The following SPIDR variants were observed in gnomAD, a reference collection of about 807,000 sequenced individuals.
The protein encoded by SPIDR is scaffold protein involved in DNA repair.
In SPIDR, 93 loss-of-function variants were observed where a neutral mutation model predicts 104.6. The ratio of observed to expected loss-of-function variants is 0.89; its 90% CI spans 0.75 to 1.06. The LOEUF is 1.06. SPIDR is among the 50% of genes least tolerant of loss of function. The pLI, the probability that SPIDR is intolerant of heterozygous loss-of-function variation, is 0.00. For missense variants in SPIDR, 1,154 were observed against 1,111.2 expected (o/e 1.04, Z -0.55); for synonymous variants, 431 against 416.9 (o/e 1.03, Z -0.41).
At chr8:47,422,743 C>T (rs10111833) in intron 7 of SPIDR, among the ~76,000 whole-genome samples, 4,335 of 152,216 alleles carry the variant, frequency 0.028, 213 homozygotes, top group African/African-American at 0.097. Context: ...GTTGGGCCAT[C>T]TTGGCTCCAC....
chr8:47,340,454 A>G (rs1008768060), intron 5 of SPIDR, among the ~76,000 whole-genome samples: 4 of 152,028 alleles, frequency 2.6e-5, no homozygotes, highest in African/African-American at 9.7e-5. Context: ...AAAATACAAA[A>G]ACTGTCTGGA....
At chr8:47,708,300 A>AAAAC (rs927333134) in intron 14 of SPIDR, among the ~76,000 whole-genome samples, 14 of 152,256 alleles carry the variant, frequency 9.2e-5, no homozygotes, top group African/African-American at 3.1e-4. Context: ...CTCCGTCTCA[A>AAAAC]AAACAAACAA....
At chr8:47,549,213 A>G (rs558153099) in intron 8 of SPIDR, among the ~76,000 whole-genome samples, 1 of 152,318 alleles carries the variant, frequency 6.6e-6, no homozygotes, top group African/African-American at 2.4e-5. Context: ...TATTGTGAAT[A>G]TTGCTGCAAT....
chr8:47,692,990 A>C (rs1471384609), intron 11 of SPIDR, among the ~76,000 whole-genome samples: 2 of 152,178 alleles, frequency 1.3e-5, no homozygotes, highest in South Asian at 2.1e-4. Context: ...CGATGGCCTC[A>C]TTTTACCATC....
chr8:47,470,252 C>T (rs797029852), intron 8 of SPIDR, among the ~76,000 whole-genome samples: 2 of 152,064 alleles, frequency 1.3e-5, no homozygotes, highest in South Asian at 2.1e-4. Context: ...AGAACTCTTA[C>T]ATATATGGTG....
intron 3 of SPIDR, among the ~76,000 whole-genome samples, chr8:47,288,604 T>C (rs1475601366): frequency 6.6e-6 from 1 of 152,224 alleles, no homozygotes; most frequent in Non-Finnish European, 1.5e-5. Flanking sequence ...TCTTGACTTA[T>C]TTTTCAGATG....
chr8:47,504,781 T>C (rs1368692768), intron 8 of SPIDR, among the ~76,000 whole-genome samples: 1 of 152,204 alleles, frequency 6.6e-6, no homozygotes, highest in Non-Finnish European at 1.5e-5. Context: ...TACCTTTGTG[T>C]CTTTGATGAT....
intron 1 of SPIDR, among the ~76,000 whole-genome samples, chr8:47,277,993 T>C (rs1434149150): frequency 6.6e-6 from 1 of 152,096 alleles, no homozygotes; most frequent in Non-Finnish European, 1.5e-5. Flanking sequence ...TTTGAGGCTC[T>C]ACCAAATAAT....
chr8:47,682,062 T>C (rs2077158155), intron 11 of SPIDR, among the ~76,000 whole-genome samples: 1 of 151,780 alleles, frequency 6.6e-6, no homozygotes, highest in Non-Finnish European at 1.5e-5. Flanking sequence ...AGTGATACAA[T>C]TAAACCAAGG....
intron 5 of SPIDR, among the ~76,000 whole-genome samples, chr8:47,391,681 T>A (rs1196831944): frequency 6.6e-6 from 1 of 152,090 alleles, no homozygotes; most frequent in African/African-American, 2.4e-5. Flanking sequence ...TCATTGTCTT[T>A]TGTATAGAAA....
chr8:47,359,457 TG>T (rs2055284503), intron 5 of SPIDR, among the ~76,000 whole-genome samples: 1 of 152,108 alleles, frequency 6.6e-6, no homozygotes, highest in African/African-American at 2.4e-5. Flanking sequence ...GCCTTTCTTC[TG>T]GGCTGTCCTC....
chr8:47,649,310 T>G (rs182723565), intron 10 of SPIDR, among the ~76,000 whole-genome samples: 8 of 151,972 alleles, frequency 5.3e-5, no homozygotes, highest in Admixed American at 2.0e-4. Flanking sequence ...TCTGTGTTAT[T>G]TTTACCAATG....
intron 8 of SPIDR, among the ~76,000 whole-genome samples, chr8:47,502,558 A>T (rs183474106): frequency 6.6e-6 from 1 of 151,978 alleles, no homozygotes; most frequent in Non-Finnish European, 1.5e-5. Flanking sequence ...CTAGCAGTCT[A>T]TGAATTTTGT....
chr8:47,290,659 T>C (rs909649627), intron 3 of SPIDR, among the ~76,000 whole-genome samples: 6 of 152,262 alleles, frequency 3.9e-5, no homozygotes, highest in African/African-American at 1.4e-4. Flanking sequence ...CTGTTACTCA[T>C]AAGTTTTGAC....
intron 5 of SPIDR, among the ~76,000 whole-genome samples, chr8:47,356,000 C>G (rs2054467729): frequency 6.6e-6 from 1 of 152,154 alleles, no homozygotes; most frequent in South Asian, 2.1e-4. Context: ...ATTTACCTCT[C>G]TCCCCAAATA....
chr8:47,720,006 G>A (rs1291805581), intron 16 of SPIDR, among the ~76,000 whole-genome samples: 1 of 152,152 alleles, frequency 6.6e-6, no homozygotes, highest in Non-Finnish European at 1.5e-5. Flanking sequence ...CCTGTGCTCT[G>A]GCTCTTCATC....
chr8:47,624,663 T>TA (rs2065741044), intron 10 of SPIDR, among the ~76,000 whole-genome samples: 2 of 152,116 alleles, frequency 1.3e-5, no homozygotes, highest in African/African-American at 4.8e-5. Flanking sequence ...CCTCGACACA[T>TA]ACATCCTCCC....
At position 47,673,918 on chromosome 8, in the gene SPIDR, T is replaced by C; in HGVS notation, c.1662T>C (p.Val554=). Reference sequence around the variant, plus strand: ...CTTGCAGCCTGGTGGGAATGAAGGTTCTACAGAAAGTCACCAGAGGAAGGT... The same window carrying C: ...CTTGCAGCCTGGTGGGAATGAAGGTCCTACAGAAAGTCACCAGAGGAAGGT... ...GKSCSLVGMK[V]LQKVTRGRTA... Residue 554 remains valine (V), a synonymous_variant, in exon 11 of 20, where the codon GTT becomes GTC. Coordinates refer to ENST00000297423, the MANE Select transcript of SPIDR (RefSeq NM_001080394.4). 6.2e-7 allele frequency: 1 copy of C among 1,614,134 alleles called. No individual in the cohort carries two copies. Among genetic ancestry groups the C allele is most frequent in the African/African-American group, 1.3e-5 (1 of 75,034 alleles).
intron 10 of SPIDR, among the ~76,000 whole-genome samples, chr8:47,609,091 T>A (rs1004460406): frequency 1.3e-5 from 2 of 152,274 alleles, no homozygotes; most frequent in African/African-American, 4.8e-5. Flanking sequence ...TTTCAAGTCC[T>A]TTGCCTATTT....
Sources: allele counts gnomAD v4.1 joint callset (sites outside exome capture counted in the v4.1 genomes callset), GRCh38; gene constraint gnomAD v4.1.1; transcripts MANE v1.5; gene names NCBI Gene and HGNC (gene_info 2026-07-23, HGNC 2026-07-21).